DOCK9: variants seen among roughly 807,000 people sequenced by gnomAD.
DOCK9 encodes the protein dedicator of cytokinesis protein 9.
DOCK9 carries 89 observed loss-of-function variants against 263.3 expected under a neutral mutation model. The ratio of observed to expected loss-of-function variants is 0.34; its 90% confidence interval spans 0.28 to 0.40. The LOEUF is 0.40. Among genes scored for constraint, DOCK9 ranks in the 10% least tolerant of loss-of-function variants. The pLI, the probability that DOCK9 is intolerant of heterozygous loss-of-function variation, is 1.00. For synonymous variants in DOCK9, 976 were observed against 973.1 expected (o/e 1.00, Z -0.06); for missense variants, 2,140 against 2,603.4 (o/e 0.82, Z 3.87).
chr13:99,042,059 T>G (rs1165944273), intron 1 of DOCK9, among the ~76,000 whole-genome samples: 2 of 152,210 alleles, frequency 1.3e-5, no homozygotes, highest in African/African-American at 4.8e-5. Flanking sequence ...AAACAAATAC[T>G]GAAACCAGTA....
intron 15 of DOCK9, among the ~76,000 whole-genome samples, chr13:98,897,102 C>T (rs894569010): frequency 3.3e-5 from 5 of 151,968 alleles, no homozygotes; most frequent in Non-Finnish European, 5.9e-5. Context: ...ATTACCACCC[C>T]AAGCCAAGAC....
intron 37 of DOCK9, chr13:98,846,924 T>G (rs1166717005): frequency 3.7e-6 from 1 of 271,422 alleles, no homozygotes; most frequent in Non-Finnish European, 7.2e-6. Flanking sequence ...AGAGCATATC[T>G]TTCCACAGTG....
At chr13:99,079,806 G>A (rs1382655675) in intron 1 of DOCK9, among the ~76,000 whole-genome samples, 3 of 152,176 alleles carry the variant, frequency 2.0e-5, no homozygotes, top group African/African-American at 4.8e-5. Context: ...TTGGGATGCC[G>A]AAGTGGGTGA....
intron 15 of DOCK9, among the ~76,000 whole-genome samples, chr13:98,891,961 G>T (rs2046689685): frequency 6.6e-6 from 1 of 152,120 alleles, no homozygotes; most frequent in Admixed American, 6.6e-5. Context: ...CACTTCCAAA[G>T]TGGTGGTTGT....
At chr13:98,808,576 A>G (rs2090974889) in intron 47 of DOCK9, 1 of 1,113,502 alleles carries the variant, frequency 9.0e-7, no homozygotes, top group Non-Finnish European at 1.3e-6. Context: ...TCCACATCAA[A>G]CTAGGAGTTT....
In DOCK9 at chr13:98,889,688, C is replaced by T. The variant is rs145071829; in HGVS notation, c.1710-977G>A. Among the ~76,000 whole-genome samples, 63 of 152,342 alleles carry T rather than the reference C, an allele frequency of 4.1e-4. No homozygotes were observed. In the East Asian group the frequency reaches 0.01, roughly 24 times the overall value. ...CTGAAACTTCTACTCACCAAGGGGT[C>T]TAGCGATGTTCCTCTATCTTTCAAC... On this transcript the variant is annotated intron_variant, in intron 15 of 52. Transcript: ENST00000682017.
intron 2 of DOCK9, 96 bp from the exon 3 acceptor site, chr13:98,930,353 G>T: frequency 9.9e-7 from 1 of 1,011,514 alleles, no homozygotes; most frequent in Non-Finnish European, 1.5e-6. Flanking sequence ...GGCCCTGGCA[G>T]CCACAGAGTC....
At chr13:98,897,405 C>T (rs2047604110) in intron 15 of DOCK9, 83 bp downstream of exon 15, 3 of 1,555,828 alleles carry the variant, frequency 1.9e-6, no homozygotes, top group African/African-American at 2.7e-5. Context: ...AATCGAGCAA[C>T]CTAAGTGACT....
chr13:98,918,453 T>C (rs543303750), intron 7 of DOCK9, among the ~76,000 whole-genome samples: 1 of 152,262 alleles, frequency 6.6e-6, no homozygotes, highest in African/African-American at 2.4e-5. Flanking sequence ...TTATTTTCTA[T>C]TTATATGTTA....
intron 1 of DOCK9, among the ~76,000 whole-genome samples, chr13:99,082,444 G>T (rs1020061090): frequency 6.6e-6 from 1 of 151,632 alleles, no homozygotes; most frequent in South Asian, 2.1e-4. Flanking sequence ...ACTTGAACCC[G>T]GGAAGCGGAG....
At chr13:98,863,860 A>G (rs2093945384) in intron 30 of DOCK9, among the ~76,000 whole-genome samples, 1 of 152,246 alleles carries the variant, frequency 6.6e-6, no homozygotes, top group Non-Finnish European at 1.5e-5. Flanking sequence ...AGACTAGAAC[A>G]CAGCATATGT....
Position 98,977,869 on chromosome 13 carries a change from T to C in DOCK9, c.41A>G (p.Lys14Arg). Residue 14 changes from lysine (K) to arginine (R), a missense_variant, in exon 1 of 53, where the codon AAA becomes AGA. Coordinates refer to ENST00000682017, the MANE Select transcript of DOCK9 (RefSeq NM_001366683.2). ...DKCRTSSRSV[K>R]KELVIESPLQ... Reference sequence around the variant, plus strand: ...GGGGGACTCAATCACCAGTTCCTTTTTGACACTTCTACTACTTGTCCTGCA... The same window carrying C: ...GGGGGACTCAATCACCAGTTCCTTTCTGACACTTCTACTACTTGTCCTGCA... The C allele has an allele frequency of 1.2e-6, 2 of 1,602,600 alleles. No homozygotes were observed. Among genetic ancestry groups the C allele is most frequent in the East Asian group, 2.2e-5 (1 of 44,584 alleles).
At chr13:98,898,479 C>G (rs569934863) in intron 13 of DOCK9, among the ~76,000 whole-genome samples, 43 of 152,314 alleles carry the variant, frequency 2.8e-4, no homozygotes, top group African/African-American at 9.9e-4. Context: ...GAATACAGAA[C>G]GAAGACTTTC....
rs770126521 is a variant in DOCK9, at chr13:98,902,309, G to A, written c.1359C>T (p.Ala453=). The change falls in exon 12 of 53, where the codon GCC becomes GCT. Residue 453 remains alanine, a synonymous_variant. Coordinates refer to ENST00000682017, the MANE Select transcript of DOCK9 (RefSeq NM_001366683.2). ...CCACCTGCTTCGGATACTGCATGGC[G>A]GCTTCATGAAGGATGCCCTTGAGGA... ...PSVLKGILHE[A]AMQYPKQGIF... 72 of 1,613,752 alleles carry A rather than the reference G, an allele frequency of 4.5e-5. No homozygotes were observed. Among genetic ancestry groups the A allele is most frequent in the Admixed American group, 3.2e-4 (19 of 60,010 alleles).
chr13:99,058,810 G>A (rs536580660), intron 1 of DOCK9, among the ~76,000 whole-genome samples: 69 of 152,272 alleles, frequency 4.5e-4, no homozygotes, highest in Non-Finnish European at 8.8e-4. Flanking sequence ...AGCCACACAC[G>A]AGCCCTGCTT....
intron 47 of DOCK9, among the ~76,000 whole-genome samples, chr13:98,808,403 G>T (rs1002337067): frequency 2.0e-5 from 3 of 152,082 alleles, no homozygotes; most frequent in Non-Finnish European, 2.9e-5. Context: ...TTGACTACAA[G>T]GCTTAGAATT....
chr13:98,814,854 C>A (rs889291281), intron 45 of DOCK9, among the ~76,000 whole-genome samples: 20 of 151,882 alleles, frequency 1.3e-4, no homozygotes, highest in Admixed American at 8.5e-4. Flanking sequence ...GGTGGGAGAA[C>A]AACTTCAGCC....
intron 27 of DOCK9, among the ~76,000 whole-genome samples, chr13:98,877,443 C>G (rs761502290): frequency 1.3e-5 from 2 of 152,204 alleles, no homozygotes; most frequent in Non-Finnish European, 2.9e-5. Flanking sequence ...CGTTACCTCC[C>G]TGACCATCTT....
chr13:98,905,199 G>A (rs2048901207), intron 9 of DOCK9, among the ~76,000 whole-genome samples: 1 of 152,152 alleles, frequency 6.6e-6, no homozygotes. Flanking sequence ...TGAATGATGA[G>A]ATAGAGAAAA....
Sources: allele counts gnomAD v4.1 joint callset (sites outside exome capture counted in the v4.1 genomes callset), GRCh38; gene constraint gnomAD v4.1.1; transcripts MANE v1.5; gene names NCBI Gene and HGNC (gene_info 2026-07-23, HGNC 2026-07-21).